The following GDPD5 variants were observed in gnomAD, a reference collection of about 807,000 sequenced individuals.
The protein encoded by GDPD5 is glycerophosphodiester phosphodiesterase 2.
In GDPD5, 48 loss-of-function variants were observed where a neutral mutation model predicts 75.1. That is an observed-to-expected ratio of 0.64 (90% confidence interval 0.51 to 0.81). The LOEUF (loss-of-function observed/expected upper bound fraction) is 0.81. GDPD5 is among the 40% of genes least tolerant of loss of function. The probability of loss-of-function intolerance (pLI) is 0.00; values close to 1 mark genes in which losing one functional copy is unlikely to be tolerated. For missense variants in GDPD5, 706 were observed against 822.6 expected (o/e 0.86, Z 1.73); for synonymous variants, 336 against 339.0 (o/e 0.99, Z 0.10).
Position 75,462,788 on chromosome 11 carries a change from G to A in GDPD5, c.219C>T (p.Asn73=). 6.2e-7 allele frequency: 1 copy of A among 1,611,182 alleles called. No homozygotes were observed. The highest frequency in any genetic ancestry group is 1.1e-5 in the South Asian group (1 of 90,974). The change falls in exon 4 of 17, where the codon AAC becomes AAT. Residue 73 remains asparagine, a splice_region_variant and synonymous_variant. Coordinates refer to ENST00000336898, the MANE Select transcript of GDPD5 (RefSeq NM_030792.8). ...CCCCACCCACTGCCCCTACTCACCA[G>A]TTGAATTCATCATAGTCATTGTGGA... is the stretch of plus-strand genomic sequence containing the variant. ...WEVHNDYDEF[N]WYLYNRMGYW... is the part of the protein sequence containing the mutation.
chr11:75,503,605 G>T (rs1246521114), intron 1 of GDPD5, among the ~76,000 whole-genome samples: 1 of 152,184 alleles, frequency 6.6e-6, no homozygotes, highest in Non-Finnish European at 1.5e-5. Context: ...CTCAGGGAGT[G>T]GTTGCTGAAT....
chr11:75,437,368 T>G, intron 15 of GDPD5: 1 of 332,224 alleles, frequency 3.0e-6, no homozygotes, highest in African/African-American at 2.1e-5. Flanking sequence ...GGGACAGATT[T>G]GGGAGCAGGA....
chr11:75,483,574 A>C (rs1949964593), intron 2 of GDPD5, among the ~76,000 whole-genome samples: 1 of 152,046 alleles, frequency 6.6e-6, no homozygotes, highest in African/African-American at 2.4e-5. Context: ...CCCTCAACTG[A>C]ATTGCTATGT....
Position 75,439,866 on chromosome 11 carries a change from A to C in GDPD5, c.1556+13T>G. 1.2e-6 allele frequency: 2 copies of C among 1,609,654 alleles called. No homozygotes were observed. Among genetic ancestry groups the C allele is most frequent in the Non-Finnish European group, 1.7e-6 (2 of 1,176,130 alleles). Reference sequence around the variant, plus strand: ...GGTAGGGACAGCCACGGAAGTGGTCAGATCCTACTCACTTCTGGAGCACGA... The same window carrying C: ...GGTAGGGACAGCCACGGAAGTGGTCCGATCCTACTCACTTCTGGAGCACGA... On this transcript the variant is annotated intron_variant, in intron 15 of 16. Transcript: ENST00000336898.
At chr11:75,483,462 T>G (rs1034359344) in intron 2 of GDPD5, among the ~76,000 whole-genome samples, 2 of 152,038 alleles carry the variant, frequency 1.3e-5, no homozygotes, top group Non-Finnish European at 2.9e-5. Flanking sequence ...CTACCCTTTC[T>G]CCCTCCCATA....
intron 7 of GDPD5, 35 bp downstream of exon 7, chr11:75,449,850 T>C: frequency 6.3e-7 from 1 of 1,591,462 alleles, no homozygotes. Flanking sequence ...GAAAGGCTCT[T>C]GTTGTGAGGG....
chr11:75,448,346 C>A (rs1335409131), intron 9 of GDPD5: 7 of 353,844 alleles, frequency 2.0e-5, no homozygotes, highest in Admixed American at 1.3e-4. Context: ...TCCTCATAGC[C>A]CCACAGCAGG....
rs539310414 is a variant in GDPD5, at chr11:75,504,648, C to T, written c.-144-14328G>A. ...AAAGTGGAATGGTGGGTGCCAGGGG[C>T]CAGAGAAAGAGGGAGAAATGGGGAG... On this transcript the variant is annotated intron_variant, in intron 1 of 16. Transcript: ENST00000336898. 1.6e-4 allele frequency among the ~76,000 whole-genome samples: 24 copies of T among 151,984 alleles called. 1 individual carries two copies. In the South Asian group the frequency reaches 5.0e-3, roughly 32 times the overall value.
intron 1 of GDPD5, among the ~76,000 whole-genome samples, chr11:75,503,524 T>A (rs1433684200): frequency 6.6e-6 from 1 of 152,222 alleles, no homozygotes; most frequent in Non-Finnish European, 1.5e-5. Flanking sequence ...AGCCTCAGAA[T>A]CCACACTATT....
intron 1 of GDPD5, among the ~76,000 whole-genome samples, chr11:75,496,955 A>AT (rs980816469): frequency 6.6e-6 from 1 of 150,678 alleles, no homozygotes; most frequent in Non-Finnish European, 1.5e-5. Context: ...AAATTTTTGT[A>AT]TTTTTTTTGT....
At chr11:75,522,768 C>T (rs1178149432) in intron 1 of GDPD5, among the ~76,000 whole-genome samples, 1 of 152,138 alleles carries the variant, frequency 6.6e-6, no homozygotes, top group Non-Finnish European at 1.5e-5. Context: ...CCTGAGCCTG[C>T]CCCCAGCTGA....
At chr11:75,489,194 CAATT>C (rs1463770302) in intron 2 of GDPD5, among the ~76,000 whole-genome samples, 5 of 152,098 alleles carry the variant, frequency 3.3e-5, no homozygotes, top group African/African-American at 1.2e-4. Flanking sequence ...AAAAAAGACT[CAATT>C]AGGTACTTTT....
chr11:75,481,637 G>A (rs779791919), intron 2 of GDPD5, among the ~76,000 whole-genome samples: 2 of 152,006 alleles, frequency 1.3e-5, no homozygotes, highest in Non-Finnish European at 2.9e-5. Context: ...AGTGCTGCGT[G>A]CCCACATAGG....
rs1023379551 is a variant in GDPD5 at position 75,498,564 on chromosome 11, T to A, written c.-144-8244A>T. ...GGCTGGGAGGGAGAACTACAGCAGG[T>A]TACCAGGGCCTCTAGGGCTGGGAGG... On this transcript the variant is annotated intron_variant, in intron 1 of 16. Coordinates refer to ENST00000336898, the MANE Select transcript of GDPD5 (RefSeq NM_030792.8). 5.9e-5 allele frequency among the ~76,000 whole-genome samples: 9 copies of A among 152,284 alleles called. No homozygotes were observed. In the South Asian group the frequency reaches 1.9e-3, roughly 32 times the overall value.
At chr11:75,449,247 G>A (rs1292039453) in intron 8 of GDPD5, 125 bp from the exon 9 acceptor site, 19 of 1,192,840 alleles carry the variant, frequency 1.6e-5, no homozygotes, top group Non-Finnish European at 2.2e-5. Flanking sequence ...TATTCTTGCT[G>A]GGAAGATGAA....
chr11:75,491,519 C>T (rs988998692), intron 1 of GDPD5, among the ~76,000 whole-genome samples: 2 of 152,188 alleles, frequency 1.3e-5, no homozygotes, highest in African/African-American at 4.8e-5. Flanking sequence ...GCCTGAGATT[C>T]TGCATTTCTG....
chr11:75,435,702 C>T lies in GDPD5; in HGVS notation c.1670-47G>A, dbSNP rs138154091. 1.5e-4 allele frequency: 232 copies of T among 1,550,252 alleles called. 3 individuals carry two copies. In the South Asian group the frequency reaches 2.4e-3, roughly 16 times the overall value. Reference sequence around the variant, plus strand: ...GAATGTGAGTCGGGGAGGAGGCAGTCGTGAGGATGGGTGACAGATGGGGCA... The same window carrying T: ...GAATGTGAGTCGGGGAGGAGGCAGTTGTGAGGATGGGTGACAGATGGGGCA... On this transcript the variant is annotated intron_variant, in intron 16 of 16. Coordinates refer to ENST00000336898, the MANE Select transcript of GDPD5 (RefSeq NM_030792.8).
rs1401056355 is a variant in GDPD5 at position 75,444,372 on chromosome 11, T to TG, written c.797+40dup. On this transcript the variant is annotated intron_variant, in intron 10 of 16. Coordinates refer to ENST00000336898, the MANE Select transcript of GDPD5 (RefSeq NM_030792.8). Reference sequence around the variant, plus strand: ...AGACCCAGGTGGATGCCGAAGCGTGTGGGAGGGGTAGAGGAACTATCTCCC... The same window carrying TG: ...AGACCCAGGTGGATGCCGAAGCGTGTGGGGAGGGGTAGAGGAACTATCTCCC... The TG allele has an allele frequency of 2.2e-6, 3 of 1,389,988 alleles. No individual in the cohort carries two copies. In the African/African-American group the frequency reaches 4.9e-5, roughly 23 times the overall value. 86.1% of individuals were successfully genotyped at this position (1,389,988 alleles called of 1,614,324 possible).
At position 75,445,261 on chromosome 11, in the gene GDPD5, C is replaced by T. The variant is rs982758137; in HGVS notation, c.715-766G>A. Among the ~76,000 whole-genome samples the T allele has an allele frequency of 5.9e-5, 9 of 152,270 alleles. No individual in the cohort carries two copies. In the East Asian group the frequency reaches 1.2e-3, roughly 20 times the overall value. ...AACTCCTGGGCTCAAGCAATCTTCC[C>T]GCTTCAACTTCCCAAATAGCTGGGA... is the stretch of plus-strand genomic sequence containing the variant. On this transcript the variant is annotated intron_variant, in intron 9 of 16. Transcript: ENST00000336898.
Sources: allele counts gnomAD v4.1 joint callset (sites outside exome capture counted in the v4.1 genomes callset), GRCh38; gene constraint gnomAD v4.1.1; transcripts MANE v1.5; gene names NCBI Gene and HGNC (gene_info 2026-07-23, HGNC 2026-07-21).